The following HSP90AA1 variants were observed in gnomAD, a reference collection of about 807,000 sequenced individuals.
HSP90AA1 encodes the protein heat shock protein HSP 90-alpha.
A neutral mutation model predicts 73.3 loss-of-function variants in HSP90AA1; 18 were observed. The ratio of observed to expected loss-of-function variants is 0.25; its 90% CI spans 0.17 to 0.36. HSP90AA1 has a LOEUF of 0.36. HSP90AA1 is among the 10% of genes least tolerant of loss of function. The probability of loss-of-function intolerance (pLI) is 1.00; values close to 1 mark genes in which losing one functional copy is unlikely to be tolerated. For synonymous variants in HSP90AA1, 477 were observed against 296.9 expected (o/e 1.61, Z -6.24); for missense variants, 704 against 874.2 (o/e 0.81, Z 2.45).
intron 4 of HSP90AA1, 114 bp from the exon 5 acceptor site, chr14:102,085,112 C>T (rs1297028070): frequency 6.5e-7 from 1 of 1,547,864 alleles, no homozygotes; most frequent in African/African-American, 1.4e-5. Context: ...TTGAGAAGCA[C>T]CCAGCTTTTC....
At chr14:102,137,012 G>T (rs974925156) in intron 1 of HSP90AA1, among the ~76,000 whole-genome samples, 1 of 151,002 alleles carries the variant, frequency 6.6e-6, no homozygotes, top group Non-Finnish European at 1.5e-5. Flanking sequence ...TCAGGAGTTC[G>T]AGACCAGCCT....
chr14:102,113,865 C>T, intron 1 of HSP90AA1, among the ~76,000 whole-genome samples: 1 of 152,108 alleles, frequency 6.6e-6, no homozygotes, highest in East Asian at 1.9e-4. Context: ...CGCCTGCCAC[C>T]ATGCCCCGCT....
chr14:102,134,533 T>A (rs1397104956), intron 1 of HSP90AA1, among the ~76,000 whole-genome samples: 1 of 152,062 alleles, frequency 6.6e-6, no homozygotes, highest in Non-Finnish European at 1.5e-5. Flanking sequence ...GTTTGTTCCT[T>A]CTGATGTTCG....
At chr14:102,099,383 A>AC (rs2049464941) in intron 2 of HSP90AA1, among the ~76,000 whole-genome samples, 1 of 152,006 alleles carries the variant, frequency 6.6e-6, no homozygotes, top group South Asian at 2.1e-4. Context: ...ACATGGAGAA[A>AC]CCCCATCTCT....
chr14:102,105,138 G>A (rs1262079420), intron 1 of HSP90AA1, among the ~76,000 whole-genome samples: 1 of 150,582 alleles, frequency 6.6e-6, no homozygotes, highest in Non-Finnish European at 1.5e-5. Flanking sequence ...AACCCGGGAG[G>A]TGGAGATTGC....
chr14:102,131,057 C>A (rs2152626846), intron 1 of HSP90AA1, among the ~76,000 whole-genome samples: 1 of 152,308 alleles, frequency 6.6e-6, no homozygotes, highest in East Asian at 1.9e-4. Context: ...CTGATAACTG[C>A]AGAATACAGA....
At chr14:102,110,517 T>A (rs1369418793) in intron 1 of HSP90AA1, among the ~76,000 whole-genome samples, 1 of 151,964 alleles carries the variant, frequency 6.6e-6, no homozygotes, top group African/African-American at 2.4e-5. Context: ...CCTCCCGGGT[T>A]CAAGCAATTC....
intron 1 of HSP90AA1, among the ~76,000 whole-genome samples, chr14:102,113,600 G>A (rs1305354817): frequency 6.6e-6 from 1 of 151,486 alleles, no homozygotes; most frequent in Non-Finnish European, 1.5e-5. Flanking sequence ...TGGCTAGGCT[G>A]GAACTCCTGA....
At chr14:102,087,263 T>A, upstream of HSP90AA1, 2 of 548,892 alleles carry the variant, frequency 3.6e-6, no homozygotes, top group Non-Finnish European at 4.6e-6. Flanking sequence ...CTTCCCTCAA[T>A]CGCCGCCGCG....
intron 6 of HSP90AA1, 70 bp from the exon 7 acceptor site, chr14:102,084,053 A>C: frequency 8.7e-7 from 1 of 1,146,694 alleles, no homozygotes; most frequent in Non-Finnish European, 1.3e-6. Context: ...AAACTCCCAA[A>C]ATCAAAGATA....
At chr14:102,109,148 C>T (rs1296258886) in intron 1 of HSP90AA1, among the ~76,000 whole-genome samples, 2 of 152,142 alleles carry the variant, frequency 1.3e-5, no homozygotes, top group East Asian at 3.9e-4. Flanking sequence ...CAAAGATAAC[C>T]AACATTCTGA....
intron 1 of HSP90AA1, among the ~76,000 whole-genome samples, chr14:102,119,489 GTTGT>G (rs141347345): frequency 0.014 from 2,119 of 152,166 alleles, 96 homozygotes; most frequent in Admixed American, 0.094. Flanking sequence ...GTTGTGGTTT[GTTGT>G]TTGTTTGTTT....
chr14:102,100,604 T>A (rs2049480873), intron 2 of HSP90AA1, among the ~76,000 whole-genome samples: 1 of 152,186 alleles, frequency 6.6e-6, no homozygotes, highest in Non-Finnish European at 1.5e-5. Context: ...TTTGTATTTT[T>A]AGTAGAGACA....
intron 2 of HSP90AA1, among the ~76,000 whole-genome samples, chr14:102,094,148 G>T (rs1385663741): frequency 2.0e-5 from 3 of 152,128 alleles, no homozygotes; most frequent in Non-Finnish European, 2.9e-5. Context: ...TCCTTCAAAG[G>T]CCGGCTTGGG....
At chr14:102,085,733 A>T (rs749997138) in intron 3 of HSP90AA1, 25 bp downstream of exon 3, 5 of 1,613,878 alleles carry the variant, frequency 3.1e-6, no homozygotes, top group Non-Finnish European at 4.2e-6. Flanking sequence ...CCGCTCACTT[A>T]ACCAGTGAAT....
At chr14:102,086,423 A>C in intron 1 of HSP90AA1, 45 bp from the exon 2 acceptor site, 1 of 1,607,868 alleles carries the variant, frequency 6.2e-7, no homozygotes, top group Non-Finnish European at 8.5e-7. Flanking sequence ...GGACGTCTAC[A>C]GAGGCAACAC....
At chr14:102,130,395 TCCTATCTG>T (rs2049894307) in intron 1 of HSP90AA1, among the ~76,000 whole-genome samples, 1 of 152,218 alleles carries the variant, frequency 6.6e-6, no homozygotes, top group African/African-American at 2.4e-5. Context: ...TACTTTTCCT[TCCTATCTG>T]CAGTACATGG....
chr14:102,081,905 C>G lies in HSP90AA1; in HGVS notation c.2090-84G>C, dbSNP rs1008159182. 9 of 818,748 alleles carry G rather than the reference C, an allele frequency of 1.1e-5. No homozygotes were observed. In the African/African-American group the frequency reaches 1.5e-4, roughly 14 times the overall value. The allele number at this position is 818,748 out of a possible 1,614,324, so 50.7% of individuals were successfully genotyped here. On this transcript the variant is annotated intron_variant, in intron 10 of 10. Transcript: ENST00000216281. The stretch of plus-strand genomic sequence containing the variant: ...AATACTCTTGGTTTCTATCTGCTTT[C>G]AAGACAGTATTACAGGACATATGAG...
upstream of HSP90AA1, among the ~76,000 whole-genome samples, chr14:102,089,150 A>C (rs941561186): frequency 1.3e-5 from 2 of 152,052 alleles, no homozygotes; most frequent in Admixed American, 1.3e-4. Flanking sequence ...CGAACCCGTG[A>C]CCTCAGGTGA....
Sources: allele counts gnomAD v4.1 joint callset (sites outside exome capture counted in the v4.1 genomes callset), GRCh38; gene constraint gnomAD v4.1.1; transcripts MANE v1.5; gene names NCBI Gene and HGNC (gene_info 2026-07-23, HGNC 2026-07-21).